The following TMEM178B variants were observed in gnomAD, a reference collection of about 807,000 sequenced individuals.
The protein encoded by TMEM178B is transmembrane protein 178B.
A neutral mutation model predicts 31.0 loss-of-function variants in TMEM178B; 5 were observed. That is an observed-to-expected ratio of 0.16 (90% CI 0.08 to 0.34). The LOEUF (loss-of-function observed/expected upper bound fraction) is 0.34, where lower values mean the gene tolerates loss of function less well. TMEM178B is among the 10% of genes least tolerant of loss of function. The probability of loss-of-function intolerance (pLI) is 1.00; values close to 1 mark genes in which losing one functional copy is unlikely to be tolerated. For synonymous variants in TMEM178B, 164 were observed against 164.0 expected (o/e 1.00, Z 0.00); for missense variants, 275 against 400.3 (o/e 0.69, Z 2.67).
intron 1 of TMEM178B, among the ~76,000 whole-genome samples, chr7:141,208,863 G>T (rs1797006722): frequency 6.6e-6 from 1 of 152,222 alleles, no homozygotes; most frequent in Non-Finnish European, 1.5e-5. Context: ...ACACAAGAGG[G>T]AGTCACCAAT....
chr7:141,305,875 G>T (rs1419424815), intron 2 of TMEM178B, among the ~76,000 whole-genome samples: 2 of 151,978 alleles, frequency 1.3e-5, no homozygotes, highest in African/African-American at 2.4e-5. Context: ...CCACAATGCT[G>T]GTCATCTAAT....
intron 2 of TMEM178B, among the ~76,000 whole-genome samples, chr7:141,270,001 G>A (rs559471719): frequency 1.3e-5 from 2 of 152,206 alleles, no homozygotes; most frequent in South Asian, 4.2e-4. Context: ...GGAGGTGGAG[G>A]CTGCAGTGAG....
intron 1 of TMEM178B, among the ~76,000 whole-genome samples, chr7:141,100,623 T>C (rs1314970126): frequency 6.6e-6 from 1 of 152,210 alleles, no homozygotes; most frequent in African/African-American, 2.4e-5. Context: ...AAAGGCATGC[T>C]TCATCAAATA....
At chr7:141,467,071 T>C (rs1419843129) in intron 3 of TMEM178B, among the ~76,000 whole-genome samples, 3 of 152,004 alleles carry the variant, frequency 2.0e-5, no homozygotes, top group African/African-American at 7.3e-5. Flanking sequence ...CTTCTCCAGG[T>C]CATACAAAGC....
intron 2 of TMEM178B, among the ~76,000 whole-genome samples, chr7:141,393,749 C>T (rs1020795697): frequency 1.3e-5 from 2 of 152,228 alleles, no homozygotes; most frequent in Non-Finnish European, 2.9e-5. Flanking sequence ...TATCACAGAT[C>T]ATACCCTTGC....
chr7:141,090,771 C>A (rs1794868546), intron 1 of TMEM178B, among the ~76,000 whole-genome samples: 1 of 152,186 alleles, frequency 6.6e-6, no homozygotes, highest in Admixed American at 6.5e-5. Flanking sequence ...GGCCAGCCAA[C>A]ACATCTTTTC....
At chr7:141,243,314 C>T (rs559352141) in intron 2 of TMEM178B, among the ~76,000 whole-genome samples, 7 of 152,078 alleles carry the variant, frequency 4.6e-5, no homozygotes, top group South Asian at 4.2e-4. Flanking sequence ...TGACTCCAAC[C>T]GTTAACTTCT....
intron 2 of TMEM178B, among the ~76,000 whole-genome samples, chr7:141,387,000 T>C (rs1372264642): frequency 1.3e-5 from 2 of 152,186 alleles, no homozygotes. Context: ...AGTCAGAATC[T>C]GTGGGCTCTT....
intron 1 of TMEM178B, among the ~76,000 whole-genome samples, chr7:141,090,649 A>G (rs376202049): frequency 1.1e-4 from 16 of 152,320 alleles, no homozygotes; most frequent in African/African-American, 3.6e-4. Context: ...TTGGGAAAAC[A>G]TGGTGGGTAT....
intron 1 of TMEM178B, among the ~76,000 whole-genome samples, chr7:141,139,085 A>T (rs1187690898): frequency 6.6e-6 from 1 of 152,162 alleles, no homozygotes; most frequent in East Asian, 1.9e-4. Context: ...TTTCTCAGAG[A>T]TATAAAAAAT....
intron 2 of TMEM178B, among the ~76,000 whole-genome samples, chr7:141,369,471 G>A (rs566388774): frequency 2.0e-5 from 3 of 151,978 alleles, no homozygotes; most frequent in South Asian, 4.2e-4. Flanking sequence ...CTCCTTGCAG[G>A]GTTTCTGGGC....
chr7:141,414,815 A>G (rs955551717), intron 2 of TMEM178B: 1 of 152,230 alleles, frequency 6.6e-6, no homozygotes, highest in Non-Finnish European at 1.5e-5. Context: ...GAGAAATTAA[A>G]TGATCCCTGC....
intron 3 of TMEM178B, among the ~76,000 whole-genome samples, chr7:141,444,751 A>G (rs1231371763): frequency 6.6e-6 from 1 of 152,002 alleles, no homozygotes; most frequent in Non-Finnish European, 1.5e-5. Context: ...CCAGCCTGGG[A>G]CCCAGCCTGC....
chr7:141,384,771 T>C (rs1415819318), intron 2 of TMEM178B, among the ~76,000 whole-genome samples: 1 of 152,108 alleles, frequency 6.6e-6, no homozygotes, highest in African/African-American at 2.4e-5. Context: ...TTGGTAGCTT[T>C]TATTTTCAAC....
At chr7:141,167,568 C>G (rs1586805860) in intron 1 of TMEM178B, among the ~76,000 whole-genome samples, 3 of 152,212 alleles carry the variant, frequency 2.0e-5, no homozygotes, top group African/African-American at 4.8e-5. Context: ...TCACTGACAT[C>G]CCTCGCTCTT....
chr7:141,200,764 G>A (rs188879056), intron 1 of TMEM178B, among the ~76,000 whole-genome samples: 125 of 152,222 alleles, frequency 8.2e-4, no homozygotes, highest in African/African-American at 2.5e-3. Context: ...AGGAACGTAC[G>A]GAGGCAGATC....
intron 2 of TMEM178B, among the ~76,000 whole-genome samples, chr7:141,267,481 G>A (rs1391268951): frequency 3.9e-5 from 6 of 152,156 alleles, no homozygotes; most frequent in Non-Finnish European, 4.4e-5. Flanking sequence ...CATATTGTCG[G>A]CTCCCCTCAG....
intron 2 of TMEM178B, among the ~76,000 whole-genome samples, chr7:141,379,746 G>A (rs766858414): frequency 2.0e-5 from 3 of 152,092 alleles, no homozygotes; most frequent in East Asian, 1.9e-4. Flanking sequence ...CCTTATATCC[G>A]TTTTCCTTCC....
At chr7:141,312,247 A>T (rs1798923734) in intron 2 of TMEM178B, among the ~76,000 whole-genome samples, 1 of 152,212 alleles carries the variant, frequency 6.6e-6, no homozygotes, top group Non-Finnish European at 1.5e-5. Context: ...AACTGAACAC[A>T]TCATCTTCCC....
Sources: gnomAD v4.1 joint callset for allele counts (sites outside exome capture counted in the v4.1 genomes callset) on GRCh38, gnomAD v4.1.1 for gene constraint, MANE v1.5 for transcripts, NCBI Gene and HGNC (gene_info 2026-07-23, HGNC 2026-07-21) for gene names.